Variants in RALGPS2 observed in about 807,000 individuals in gnomAD.
The protein encoded by RALGPS2 is Ral GEF with PH domain and SH3 binding motif 2, also known as ras-specific guanine nucleotide-releasing factor RalGPS2.
In RALGPS2, 43 loss-of-function variants were observed where a neutral mutation model predicts 86.8. The observed-to-expected ratio is 0.50, with a 90% confidence interval of 0.39 to 0.64. The LOEUF (loss-of-function observed/expected upper bound fraction) is 0.64, where lower values mean the gene tolerates loss of function less well. Among genes scored for constraint, RALGPS2 ranks in the 30% least tolerant of loss-of-function variants. RALGPS2 has a pLI of 0.00. For missense variants in RALGPS2, 536 were observed against 694.6 expected (o/e 0.77, Z 2.57); for synonymous variants, 243 against 231.3 (o/e 1.05, Z -0.46).
intron 8 of RALGPS2, among the ~76,000 whole-genome samples, chr1:178,855,636 TTTTA>T (rs1231405692): frequency 4.0e-5 from 6 of 151,856 alleles, no homozygotes; most frequent in African/African-American, 1.2e-4. Context: ...TTTTTATAGT[TTTTA>T]TTTCTCTTTT....
chr1:178,857,301 T>C (rs1657651963), intron 8 of RALGPS2, among the ~76,000 whole-genome samples: 1 of 152,214 alleles, frequency 6.6e-6, no homozygotes, highest in Non-Finnish European at 1.5e-5. Context: ...TATGAAACTA[T>C]GTGATTCCTA....
chr1:178,916,012 C>T (rs113464093), intron 19 of RALGPS2, among the ~76,000 whole-genome samples: 2 of 152,246 alleles, frequency 1.3e-5, no homozygotes, highest in African/African-American at 4.8e-5. Flanking sequence ...CAGAGTCATA[C>T]TTACTCTTGC....
At chr1:178,752,975 A>G (rs1651762850) in intron 1 of RALGPS2, among the ~76,000 whole-genome samples, 1 of 152,080 alleles carries the variant, frequency 6.6e-6, no homozygotes, top group Non-Finnish European at 1.5e-5. Flanking sequence ...CATTGTGTAC[A>G]GTCCAGGCTT....
At chr1:178,863,402 T>G (rs974248724) in intron 8 of RALGPS2, among the ~76,000 whole-genome samples, 2 of 152,136 alleles carry the variant, frequency 1.3e-5, no homozygotes, top group East Asian at 3.8e-4. Flanking sequence ...ATAAATAACT[T>G]CAGTGTAATA....
chr1:178,768,013 G>A (rs1366511396), intron 1 of RALGPS2, among the ~76,000 whole-genome samples: 2 of 152,220 alleles, frequency 1.3e-5, no homozygotes, highest in African/African-American at 4.8e-5. Flanking sequence ...AAAGTGCTGG[G>A]ATTATAGATG....
intron 1 of RALGPS2, among the ~76,000 whole-genome samples, chr1:178,768,146 T>G (rs1652606853): frequency 6.6e-6 from 1 of 152,220 alleles, no homozygotes; most frequent in African/African-American, 2.4e-5. Flanking sequence ...TTGAGCTTCC[T>G]TTTTGTCGGT....
chr1:178,892,721 CTGAA>C, intron 15 of RALGPS2, among the ~76,000 whole-genome samples: 1 of 152,002 alleles, frequency 6.6e-6, no homozygotes, highest in East Asian at 1.9e-4. Context: ...ACTACAGGTC[CTGAA>C]TGTAGACGAG....
chr1:178,886,179 ACTTGGCTGG>A, intron 13 of RALGPS2, 59 bp downstream of exon 13: 1 of 1,556,930 alleles, frequency 6.4e-7, no homozygotes, highest in Non-Finnish European at 8.7e-7. Flanking sequence ...TGTTAATAAA[ACTTGGCTGG>A]AAAAAAACCC....
chr1:178,901,570 T>A (rs1440224004), intron 17 of RALGPS2, among the ~76,000 whole-genome samples: 1 of 151,872 alleles, frequency 6.6e-6, no homozygotes, highest in African/African-American at 2.4e-5. Flanking sequence ...AGGCTAAGAA[T>A]ACCCTTCTTT....
chr1:178,864,696 C>A (rs1425778976), intron 8 of RALGPS2, among the ~76,000 whole-genome samples: 1 of 151,958 alleles, frequency 6.6e-6, no homozygotes, highest in East Asian at 1.9e-4. Context: ...AGAATAGTAG[C>A]CCCTCGATCA....
chr1:178,865,403 T>A, intron 8 of RALGPS2: 1 of 1,614,094 alleles, frequency 6.2e-7, no homozygotes, highest in South Asian at 1.1e-5. Context: ...AGAGTTCATG[T>A]TACGGCTTTC....
chr1:178,795,414 T>G (rs1343964705), intron 4 of RALGPS2, among the ~76,000 whole-genome samples: 1 of 152,040 alleles, frequency 6.6e-6, no homozygotes, highest in Non-Finnish European at 1.5e-5. Context: ...TATTTCTTGT[T>G]TGTTTGTTTG....
chr1:178,814,863 T>C (rs1269432983), intron 6 of RALGPS2, among the ~76,000 whole-genome samples: 1 of 152,232 alleles, frequency 6.6e-6, no homozygotes, highest in Non-Finnish European at 1.5e-5. Context: ...CCATCTGATA[T>C]TGTCAAAATT....
chr1:178,846,391 A>G (rs1219281543), intron 8 of RALGPS2, among the ~76,000 whole-genome samples: 1 of 152,212 alleles, frequency 6.6e-6, no homozygotes, highest in Non-Finnish European at 1.5e-5. Flanking sequence ...GTATACTAAA[A>G]CAGCAGTAAA....
chr1:178,865,137 G>A, intron 8 of RALGPS2: 1 of 1,595,866 alleles, frequency 6.3e-7, no homozygotes, highest in Non-Finnish European at 8.6e-7. Context: ...TGGACAAGTG[G>A]GGGAGACACA....
At chr1:178,864,729 G>T (rs1440263218) in intron 8 of RALGPS2, among the ~76,000 whole-genome samples, 1 of 151,994 alleles carries the variant, frequency 6.6e-6, no homozygotes, top group East Asian at 1.9e-4. Context: ...TGGAAGACTG[G>T]TTTTTTTCAC....
chr1:178,793,816 C>T (rs1445541485), intron 4 of RALGPS2, among the ~76,000 whole-genome samples: 1 of 152,070 alleles, frequency 6.6e-6, no homozygotes, highest in Non-Finnish European at 1.5e-5. Context: ...AAGTGTTATC[C>T]ACCCAATGTG....
intron 19 of RALGPS2, among the ~76,000 whole-genome samples, chr1:178,908,239 A>G (rs1202418721): frequency 6.6e-6 from 1 of 152,190 alleles, no homozygotes; most frequent in Non-Finnish European, 1.5e-5. Context: ...AGCTGCATTC[A>G]TGTTGCTGCC....
intron 8 of RALGPS2, chr1:178,853,191 T>C: frequency 1.0e-6 from 1 of 985,392 alleles, no homozygotes; most frequent in Non-Finnish European, 1.2e-6. Context: ...CTTCAAATCC[T>C]ACAAATAAGA....
Sources: gnomAD v4.1 joint callset for allele counts (sites outside exome capture counted in the v4.1 genomes callset) on GRCh38, gnomAD v4.1.1 for gene constraint, MANE v1.5 for transcripts, NCBI Gene and HGNC (gene_info 2026-07-23, HGNC 2026-07-21) for gene names.